The following ROS1 variants were observed in gnomAD, a reference collection of about 807,000 sequenced individuals.
ROS1 encodes proto-oncogene tyrosine-protein kinase ROS.
Under a neutral mutation model 273.5 loss-of-function variants are expected in ROS1, and 263 were observed. The observed-to-expected ratio is 0.96, with a 90% CI of 0.87 to 1.06. ROS1 has a LOEUF of 1.06. Among genes scored for constraint, ROS1 ranks in the 50% least tolerant of loss-of-function variants. The pLI, the probability that ROS1 is intolerant of heterozygous loss-of-function variation, is 0.00. For synonymous variants in ROS1, 1,008 were observed against 954.1 expected, an observed-to-expected ratio of 1.06 and a Z score of -1.04; for missense variants, 2,833 against 2,751.1, an observed-to-expected ratio of 1.03 and a Z score of -0.67.
intron 1 of ROS1, 97 bp from the exon 2 acceptor site, chr6:117,418,603 T>C (rs777209766): frequency 2.0e-4 from 160 of 797,754 alleles, no homozygotes; most frequent in Non-Finnish European, 2.9e-4. Flanking sequence ...TAACGTTGCC[T>C]CCTCCGCATT....
intron 4 of ROS1, among the ~76,000 whole-genome samples, chr6:117,412,607 G>C (rs1775006198): frequency 3.0e-5 from 1 of 33,826 alleles, no homozygotes; most frequent in African/African-American, 2.5e-4. Flanking sequence ...TAGATAGACA[G>C]ATAGATAGAT....
At chr6:117,391,397 A>C (rs960296579) in intron 12 of ROS1, among the ~76,000 whole-genome samples, 16 of 152,182 alleles carry the variant, frequency 1.1e-4, no homozygotes, top group African/African-American at 3.9e-4. Flanking sequence ...AAAATAGAAA[A>C]GGTGAAGAGA....
Position 117,358,021 on chromosome 6 carries a change from G to C in ROS1, c.3634-12C>G. ...GAATCTTGGAAAAGCTTAACAACAG[G>C]TAGAGAACACAGCCAAGAAGAGAGT... On this transcript the variant is annotated splice_polypyrimidine_tract_variant and intron_variant, in intron 24 of 43. Coordinates refer to ENST00000368507, the MANE Select transcript of ROS1 (RefSeq NM_001378902.1). 6.3e-7 allele frequency: 1 copy of C among 1,577,966 alleles called. No homozygotes were observed. The highest frequency in any genetic ancestry group is 1.1e-5 in the South Asian group (1 of 90,010).
intron 17 of ROS1, among the ~76,000 whole-genome samples, chr6:117,382,710 G>A (rs1176012201): frequency 6.6e-6 from 1 of 152,074 alleles, no homozygotes; most frequent in South Asian, 2.1e-4. Flanking sequence ...GTATTTGCAG[G>A]TTGAGTAATA....
intron 4 of ROS1, among the ~76,000 whole-genome samples, 172 bp downstream of exon 4, chr6:117,414,347 C>T (rs983336194): frequency 6.6e-6 from 1 of 151,892 alleles, no homozygotes; most frequent in Non-Finnish European, 1.5e-5. Flanking sequence ...AATATTTGTG[C>T]CAAAATGGAA....
At chr6:117,336,318 T>A (rs953866815) in intron 32 of ROS1, among the ~76,000 whole-genome samples, 2 of 151,674 alleles carry the variant, frequency 1.3e-5, no homozygotes, top group African/African-American at 4.8e-5. Context: ...ATACTCTCTA[T>A]CCCCCCACCC....
Position 117,288,409 on chromosome 6 carries a change from AT to A in ROS1, c.*82del, listed in dbSNP as rs1316747508. The A allele has an allele frequency of 8.4e-7, 1 of 1,186,914 alleles. No homozygotes were observed. Among genetic ancestry groups the A allele is most frequent in the Non-Finnish European group, 1.2e-6 (1 of 834,484 alleles). The allele number at this position is 1,186,914 out of a possible 1,614,324, so 73.5% of individuals were successfully genotyped here. On this transcript the variant is annotated 3_prime_UTR_variant, in exon 44 of 44. Coordinates refer to ENST00000368507, the MANE Select transcript of ROS1 (RefSeq NM_001378902.1). ...ATTTGGAGTTATAGACCACCATGAC[AT>A]TTATCATTCTAGCAGAGTTTTCTTT... is the stretch of plus-strand genomic sequence containing the variant.
At chr6:117,408,215 G>T (rs1382933652) in intron 5 of ROS1, among the ~76,000 whole-genome samples, 1 of 151,792 alleles carries the variant, frequency 6.6e-6, no homozygotes, top group Non-Finnish European at 1.5e-5. Flanking sequence ...TGACAAATGG[G>T]ATCTAATTAA....
intron 27 of ROS1, among the ~76,000 whole-genome samples, chr6:117,350,730 C>T (rs1324159183): frequency 1.5e-5 from 2 of 132,730 alleles, no homozygotes; most frequent in Non-Finnish European, 3.2e-5. Flanking sequence ...CAGGTTTCTA[C>T]TGAGATATTT....
intron 43 of ROS1, among the ~76,000 whole-genome samples, chr6:117,292,575 T>C (rs1773921545): frequency 6.6e-6 from 1 of 152,188 alleles, no homozygotes; most frequent in South Asian, 2.1e-4. Context: ...TCTTATTTCA[T>C]ACACTCTACT....
chr6:117,327,695 T>C (rs1776744769), intron 33 of ROS1, among the ~76,000 whole-genome samples: 1 of 152,200 alleles, frequency 6.6e-6, no homozygotes, highest in African/African-American at 2.4e-5. Context: ...TTGAGTCATG[T>C]CCTCCCAAAA....
intron 42 of ROS1, among the ~76,000 whole-genome samples, chr6:117,304,817 G>C (rs148264868): frequency 3.3e-5 from 5 of 152,276 alleles, no homozygotes; most frequent in East Asian, 1.9e-4. Context: ...GGAGGTGACT[G>C]AATCATGGGG....
chr6:117,393,078 CT>C, intron 12 of ROS1, 145 bp downstream of exon 12: 1 of 686,364 alleles, frequency 1.5e-6, no homozygotes, highest in Non-Finnish European at 2.6e-6. Flanking sequence ...AGAATGAAAA[CT>C]TTGCCTGAAT....
At chr6:117,396,129 T>A in intron 9 of ROS1, 59 bp downstream of exon 9, 1 of 1,403,116 alleles carries the variant, frequency 7.1e-7, no homozygotes, top group East Asian at 2.3e-5. Context: ...CTTCTGGCTC[T>A]GAAACCACCC....
At chr6:117,360,301 C>CACA (rs763014896) in intron 23 of ROS1, 41 bp downstream of exon 23, 208 of 1,440,690 alleles carry the variant, frequency 1.4e-4, no homozygotes, top group East Asian at 1.8e-4. Flanking sequence ...CACACACACG[C>CACA]CTCTAAATTA....
rs2128546462 is a variant in ROS1 at position 117,308,936 on chromosome 6, T to C, written c.6417-8A>G. The C allele has an allele frequency of 6.2e-7, 1 of 1,610,404 alleles. No homozygotes were observed. On this transcript the variant is annotated splice_region_variant and splice_polypyrimidine_tract_variant and intron_variant, in intron 41 of 43. Transcript: ENST00000368507. ...ATCAGAATTCCAAAAGACCTAAGAA[T>C]AGTAGAGGGTTTGCTTTAATTATAC...
chr6:117,328,426 A>G (rs1002296137), intron 33 of ROS1: 7 of 310,076 alleles, frequency 2.3e-5, no homozygotes, highest in Non-Finnish European at 4.3e-5. Context: ...ACAGTTCTGC[A>G]GGTTAGAATG....
chr6:117,333,673 G>A (rs1427577101), intron 32 of ROS1, among the ~76,000 whole-genome samples: 1 of 152,110 alleles, frequency 6.6e-6, no homozygotes, highest in East Asian at 1.9e-4. Flanking sequence ...GGGATGCAAG[G>A]CTGATTCAAC....
intron 22 of ROS1, among the ~76,000 whole-genome samples, chr6:117,362,102 CA>C (rs1779849505): frequency 6.6e-6 from 1 of 152,016 alleles, no homozygotes; most frequent in Non-Finnish European, 1.5e-5. Context: ...AATCATGATA[CA>C]GCTTCAAAAG....
Sources: gnomAD v4.1 joint callset for allele counts (sites outside exome capture counted in the v4.1 genomes callset) on GRCh38, gnomAD v4.1.1 for gene constraint, MANE v1.5 for transcripts, NCBI Gene and HGNC (gene_info 2026-07-23, HGNC 2026-07-21) for gene names.